The following SLC12A8 variants were observed in gnomAD, a reference collection of about 807,000 sequenced individuals.
SLC12A8 encodes solute carrier family 12 member 8.
A neutral mutation model predicts 75.6 loss-of-function variants in SLC12A8; 69 were observed. That is an observed-to-expected ratio of 0.91 (90% CI 0.75 to 1.11). The LOEUF (loss-of-function observed/expected upper bound fraction) is 1.11. Ranked by LOEUF, SLC12A8 falls within the 50% of genes most tolerant of loss-of-function variation. SLC12A8 has a pLI of 0.00. For synonymous variants in SLC12A8, 365 were observed against 372.8 expected (o/e 0.98, Z 0.24); for missense variants, 877 against 896.7 (o/e 0.98, Z 0.28).
intron 13 of SLC12A8, 157 bp downstream of exon 13, chr3:125,088,153 A>G (rs1277440392): frequency 3.1e-6 from 2 of 645,242 alleles, no homozygotes; most frequent in East Asian, 2.8e-5. Flanking sequence ...GGTGGAGTGC[A>G]CGCAGGAGCA....
At chr3:125,136,499 T>A (rs185161409) in intron 5 of SLC12A8, among the ~76,000 whole-genome samples, 107 of 152,304 alleles carry the variant, frequency 7.0e-4, no homozygotes, top group Admixed American at 4.2e-3. Context: ...ACAGTAGGAC[T>A]TTCCCCAACT....
At chr3:125,167,836 G>A (rs182617313) in intron 5 of SLC12A8, among the ~76,000 whole-genome samples, 12 of 152,336 alleles carry the variant, frequency 7.9e-5, no homozygotes, top group African/African-American at 2.6e-4. Flanking sequence ...GAATAAACAC[G>A]TTTTGCGGAG....
At chr3:125,104,484 A>G (rs1365213346) in intron 10 of SLC12A8, among the ~76,000 whole-genome samples, 1 of 145,472 alleles carries the variant, frequency 6.9e-6, no homozygotes, top group Non-Finnish European at 1.5e-5. Flanking sequence ...CTCATAGAAC[A>G]AAAATAGATG....
chr3:125,197,316 G>C (rs1935027122), intron 2 of SLC12A8, among the ~76,000 whole-genome samples: 1 of 152,044 alleles, frequency 6.6e-6, no homozygotes, highest in Non-Finnish European at 1.5e-5. Flanking sequence ...CTTTGAGACA[G>C]GGTCTTGCTC....
intron 5 of SLC12A8, among the ~76,000 whole-genome samples, chr3:125,174,840 G>A (rs1934485114): frequency 6.6e-6 from 1 of 152,162 alleles, no homozygotes; most frequent in African/African-American, 2.4e-5. Flanking sequence ...CAAAGCACAG[G>A]GAATTTTTAG....
rs1223485231 is a variant in SLC12A8 at position 125,120,760 on chromosome 3, C to T, written c.737-74G>A. On this transcript the variant is annotated intron_variant, in intron 6 of 13. Transcript: ENST00000469902. ...TCGCCTTCCCCAGGGCTGCCCCTTCCTCTCCTGCGGGACCCTCTCCTGGAA... is the reference window on the plus strand; with the variant it reads ...TCGCCTTCCCCAGGGCTGCCCCTTCTTCTCCTGCGGGACCCTCTCCTGGAA... 5 of 1,128,996 alleles carry T rather than the reference C, an allele frequency of 4.4e-6. No individual in the cohort carries two copies. The Admixed American group carries it at 7.6e-5, about 17-fold the overall frequency. 69.9% of individuals were successfully genotyped at this position (1,128,996 alleles called of 1,614,324 possible).
intron 12 of SLC12A8, among the ~76,000 whole-genome samples, chr3:125,089,962 T>C (rs1039778954): frequency 2.6e-5 from 4 of 152,040 alleles, no homozygotes; most frequent in Non-Finnish European, 5.9e-5. Flanking sequence ...CAAAATACTT[T>C]GTAATTTCAC....
At chr3:125,110,532 A>T (rs1939161641) in intron 8 of SLC12A8, 197 bp from the exon 9 acceptor site, 3 of 495,990 alleles carry the variant, frequency 6.0e-6, no homozygotes, top group Middle Eastern at 5.3e-4. Context: ...ACCACATTTC[A>T]TATGGATTGC....
rs267599588 is a variant in SLC12A8, at chr3:125,107,853, C to A, written c.1333G>T (p.Gly445Ter). ...CCCTCCAAGACTCTTTGGGCAGGTC[C>A]CTCAGAGCCGTAACTGGGAGCTTTC... ...LEKAPSYGSEGPAQRVLEGTL... is the reference protein window; with the variant it reads ...LEKAPSYGSE Residue 445 changes from glycine to a stop codon, truncating the protein, a stop_gained, in exon 10 of 14, where the codon GGA becomes TGA. Transcript: ENST00000469902. LOFTEE classifies it high-confidence loss of function. The A allele has an allele frequency of 6.2e-7, 1 of 1,614,210 alleles. No individual in the cohort carries two copies. Among genetic ancestry groups the A allele is most frequent in the African/African-American group, 1.3e-5 (1 of 75,058 alleles).
chr3:125,166,121 G>A (rs1164940686), intron 5 of SLC12A8, among the ~76,000 whole-genome samples: 2 of 152,136 alleles, frequency 1.3e-5, no homozygotes, highest in African/African-American at 4.8e-5. Flanking sequence ...CCATGCTGCG[G>A]GGCGCTTTAC....
intron 5 of SLC12A8, among the ~76,000 whole-genome samples, chr3:125,144,250 C>T (rs914502727): frequency 1.3e-5 from 2 of 152,210 alleles, no homozygotes; most frequent in Non-Finnish European, 2.9e-5. Context: ...ACCGTATTAA[C>T]TCATTGAAGC....
At position 125,206,402 on chromosome 3, in the gene SLC12A8, G is replaced by C. The variant is rs1935226926; in HGVS notation, c.51+4897C>G. Among the ~76,000 whole-genome samples, 5 of 152,270 alleles carry C rather than the reference G, an allele frequency of 3.3e-5. No individual in the cohort carries two copies. The South Asian group carries it at 1.0e-3, about 32-fold the overall frequency. On this transcript the variant is annotated intron_variant, in intron 2 of 13. Transcript: ENST00000469902. The stretch of plus-strand genomic sequence containing the variant: ...CACTATTGCTGGAACTCAAGTCTCT[G>C]GGCTTGCTTCTTGACACGACAAGCA...
intron 4 of SLC12A8, among the ~76,000 whole-genome samples, chr3:125,179,870 T>C (rs1460474977): frequency 6.6e-6 from 1 of 152,222 alleles, no homozygotes; most frequent in African/African-American, 2.4e-5. Flanking sequence ...GGACTCTTCA[T>C]GGTCAAAATT....
At chr3:125,165,866 T>G (rs1441491168) in intron 5 of SLC12A8, among the ~76,000 whole-genome samples, 2 of 152,208 alleles carry the variant, frequency 1.3e-5, no homozygotes, top group African/African-American at 2.4e-5. Flanking sequence ...ATGTGTTCCC[T>G]GCATCCCGAG....
intron 2 of SLC12A8, among the ~76,000 whole-genome samples, chr3:125,193,855 C>G (rs640403): frequency 0.92 from 140,226 of 152,220 alleles, 65,154 homozygotes; most frequent in Non-Finnish European, 0.98. Flanking sequence ...GTTGCTGAAG[C>G]TTAGGCCAGT....
chr3:125,159,992 T>A (rs1236172911), intron 5 of SLC12A8, among the ~76,000 whole-genome samples: 1 of 152,364 alleles, frequency 6.6e-6, no homozygotes, highest in East Asian at 1.9e-4. Flanking sequence ...GGGTTCTCGC[T>A]CTGTCGCCCA....
chr3:125,169,095 G>T (rs1277989814), intron 5 of SLC12A8, among the ~76,000 whole-genome samples: 1 of 152,114 alleles, frequency 6.6e-6, no homozygotes, highest in Non-Finnish European at 1.5e-5. Context: ...ATTCAAATGT[G>T]CCACATGTCA....
At chr3:125,126,903 A>G (rs367607861) in intron 6 of SLC12A8, among the ~76,000 whole-genome samples, 6 of 151,670 alleles carry the variant, frequency 4.0e-5, no homozygotes, top group South Asian at 2.1e-4. Context: ...TTTTTTTTTA[A>G]CTGAAAAAAG....
chr3:125,177,645 G>GTAAA, intron 5 of SLC12A8, 98 bp downstream of exon 5: 2 of 910,866 alleles, frequency 2.2e-6, no homozygotes, highest in Non-Finnish European at 3.4e-6. Flanking sequence ...AAAGCCTATG[G>GTAAA]GGGTTAGGGG....
Sources: allele counts gnomAD v4.1 joint callset (sites outside exome capture counted in the v4.1 genomes callset), GRCh38; gene constraint gnomAD v4.1.1; transcripts MANE v1.5; gene names NCBI Gene and HGNC (gene_info 2026-07-23, HGNC 2026-07-21).